The following NTM variants were observed in gnomAD, a reference collection of about 807,000 sequenced individuals.
NTM encodes IgLON family member 2.
A neutral mutation model predicts 42.1 loss-of-function variants in NTM; 13 were observed. The ratio of observed to expected loss-of-function variants is 0.31; its 90% CI spans 0.20 to 0.49. The LOEUF (loss-of-function observed/expected upper bound fraction) is 0.49, where lower values mean the gene tolerates loss of function less well. NTM is among the 20% of genes least tolerant of loss of function. The probability of loss-of-function intolerance (pLI) is 0.99; values close to 1 mark genes in which losing one functional copy is unlikely to be tolerated. For missense variants in NTM, 373 were observed against 452.8 expected, an observed-to-expected ratio of 0.82 and a Z score of 1.60; for synonymous variants, 187 against 179.2, an observed-to-expected ratio of 1.04 and a Z score of -0.35.
chr11:132,085,258 C>T (rs534493312), intron 2 of NTM, among the ~76,000 whole-genome samples: 1 of 152,170 alleles, frequency 6.6e-6, no homozygotes, highest in Non-Finnish European at 1.5e-5. Context: ...TCAGTGGTCT[C>T]AATTACATGT....
At chr11:132,160,300 T>C (rs2074014537) in intron 3 of NTM, among the ~76,000 whole-genome samples, 1 of 152,154 alleles carries the variant, frequency 6.6e-6, no homozygotes, top group Non-Finnish European at 1.5e-5. Flanking sequence ...GTAGCACAGG[T>C]GACAGCTAAT....
At chr11:131,475,663 T>C (rs148150021) in intron 1 of NTM, among the ~76,000 whole-genome samples, 17 of 152,210 alleles carry the variant, frequency 1.1e-4, no homozygotes, top group African/African-American at 3.4e-4. Context: ...TCCTGAATAA[T>C]GTAGAATTAT....
At position 132,039,611 on chromosome 11, in the gene NTM, G is replaced by A. The variant is rs887369211; in HGVS notation, c.168-106671G>A. Among the ~76,000 whole-genome samples, 21 of 152,146 alleles carry A rather than the reference G, an allele frequency of 1.4e-4. 1 individual carries two copies. In the East Asian group the frequency reaches 3.9e-3, roughly 28 times the overall value. On this transcript the variant is annotated intron_variant, in intron 2 of 8. Coordinates refer to ENST00000683400, the MANE Select transcript of NTM (RefSeq NM_001352005.2). Reference sequence around the variant, plus strand: ...CAGGAAGAGGAGTGGAGAAACCTTCGCAGAGGTGGTCAGAGGACAAGCAAT... The same window carrying A: ...CAGGAAGAGGAGTGGAGAAACCTTCACAGAGGTGGTCAGAGGACAAGCAAT...
chr11:132,107,356 T>C (rs2062525449), intron 2 of NTM, among the ~76,000 whole-genome samples: 1 of 140,050 alleles, frequency 7.1e-6, no homozygotes, highest in African/African-American at 2.7e-5. Context: ...TTTTTTTTTT[T>C]TTTTTTTTTT....
chr11:131,791,380 G>A (rs1231530671), intron 1 of NTM, among the ~76,000 whole-genome samples: 1 of 152,194 alleles, frequency 6.6e-6, no homozygotes, highest in Non-Finnish European at 1.5e-5. Flanking sequence ...GTTTTTGTCT[G>A]TGTTTATCCT....
intron 2 of NTM, among the ~76,000 whole-genome samples, chr11:132,004,423 C>G (rs2846129): frequency 0.38 from 57,663 of 151,906 alleles, 12,274 homozygotes; most frequent in East Asian, 0.8. Flanking sequence ...AATGCATTTT[C>G]CTGTGGTTCA....
chr11:131,986,548 C>T lies in NTM; in HGVS notation c.167+74900C>T, dbSNP rs150486105. ...ATGAAATATGTGGGTCACATTTATA[C>T]ACAACTCACCAGAGTTAAACTTGCT... is the stretch of plus-strand genomic sequence containing the variant. On this transcript the variant is annotated intron_variant, in intron 2 of 8. Coordinates refer to ENST00000683400, the MANE Select transcript of NTM (RefSeq NM_001352005.2). Among the ~76,000 whole-genome samples, 627 of 152,298 alleles carry T rather than the reference C, an allele frequency of 4.1e-3. 6 individuals are homozygous for T. The highest frequency in any genetic ancestry group is 0.014 in the African/African-American group (584 of 41,558).
chr11:132,152,447 T>C (rs780617799), intron 3 of NTM, among the ~76,000 whole-genome samples: 3 of 152,230 alleles, frequency 2.0e-5, no homozygotes, highest in Non-Finnish European at 4.4e-5. Flanking sequence ...TGACCTCTCT[T>C]TTTCCTGTCC....
At chr11:131,537,200 A>C (rs1409782675) in intron 1 of NTM, 6 of 152,030 alleles carry the variant, frequency 3.9e-5, no homozygotes, top group Non-Finnish European at 7.4e-5. Context: ...AAAAAAAAAA[A>C]ACAATTGAGT....
chr11:131,877,376 C>A (rs1218829016), intron 1 of NTM, among the ~76,000 whole-genome samples: 1 of 152,186 alleles, frequency 6.6e-6, no homozygotes, highest in African/African-American at 2.4e-5. Context: ...AAGGAGTAGG[C>A]TATCTTCAAG....
At chr11:131,986,214 C>T (rs148350536) in intron 2 of NTM, among the ~76,000 whole-genome samples, 44 of 152,262 alleles carry the variant, frequency 2.9e-4, no homozygotes, top group Admixed American at 5.2e-4. Context: ...GTCCTTTGGC[C>T]GCTAAAGATG....
chr11:131,937,872 T>C (rs2059391131), intron 2 of NTM, among the ~76,000 whole-genome samples: 1 of 152,116 alleles, frequency 6.6e-6, no homozygotes, highest in East Asian at 1.9e-4. Context: ...GGGTAAAAAA[T>C]GAGATTCTTT....
chr11:132,298,720 A>G (rs1356232844), intron 4 of NTM, among the ~76,000 whole-genome samples: 2 of 152,228 alleles, frequency 1.3e-5, no homozygotes, highest in Non-Finnish European at 2.9e-5. Flanking sequence ...TCAAAAAAAA[A>G]TTAAGGGAAT....
At chr11:131,492,010 A>G (rs371649736) in intron 1 of NTM, among the ~76,000 whole-genome samples, 17 of 152,228 alleles carry the variant, frequency 1.1e-4, no homozygotes, top group African/African-American at 2.7e-4. Flanking sequence ...TTTGATTGCC[A>G]TATCCATTTT....
At chr11:132,255,811 G>A (rs1216403054) in intron 4 of NTM, among the ~76,000 whole-genome samples, 1 of 151,966 alleles carries the variant, frequency 6.6e-6, no homozygotes, top group African/African-American at 2.4e-5. Context: ...ATTCCAGTCA[G>A]CCTCCCCCTT....
chr11:131,830,661 T>G (rs2042710113), intron 1 of NTM, among the ~76,000 whole-genome samples: 1 of 152,226 alleles, frequency 6.6e-6, no homozygotes, highest in South Asian at 2.1e-4. Context: ...GGCTCTTTTT[T>G]GGTTCCATGT....
At chr11:131,434,701 A>G (rs1197213838) in intron 1 of NTM, among the ~76,000 whole-genome samples, 3 of 152,332 alleles carry the variant, frequency 2.0e-5, no homozygotes, top group African/African-American at 7.2e-5. Context: ...CCTTTGTCAG[A>G]TGGTTAGATT....
In NTM at chr11:131,746,388, T is replaced by A. The variant is rs137919530; in HGVS notation, c.83-165176T>A. ...GCCCAATGGGGAGCTCTCCACTGAC[T>A]TGTGTGTAGGAAAATGATGTAGCCA... On this transcript the variant is annotated intron_variant, in intron 1 of 8. Coordinates refer to ENST00000683400, the MANE Select transcript of NTM (RefSeq NM_001352005.2). Among the ~76,000 whole-genome samples the A allele has an allele frequency of 7.9e-5, 12 of 152,198 alleles. No individual in the cohort carries two copies. The East Asian group carries it at 2.3e-3, about 29-fold the overall frequency.
At position 131,937,203 on chromosome 11, in the gene NTM, GTTTTC is replaced by G. The variant is rs913042169; in HGVS notation, c.167+25558_167+25562del. Among the ~76,000 whole-genome samples the G allele has an allele frequency of 1.7e-4, 26 of 152,222 alleles. No homozygotes were observed. The East Asian group carries it at 4.2e-3, about 25-fold the overall frequency. On this transcript the variant is annotated intron_variant, in intron 2 of 8. Transcript: ENST00000683400. Reference sequence around the variant, plus strand: ...GGAGTAGAGTCAGCAGTTTATGTGTGTTTTCTTAATACCCTCTTAGCAGTTAATTA... The same window carrying G: ...GGAGTAGAGTCAGCAGTTTATGTGTGTTAATACCCTCTTAGCAGTTAATTA...
Sources: allele counts gnomAD v4.1 joint callset (sites outside exome capture counted in the v4.1 genomes callset), GRCh38; gene constraint gnomAD v4.1.1; transcripts MANE v1.5; gene names NCBI Gene and HGNC (gene_info 2026-07-23, HGNC 2026-07-21).